GFRA2: variants seen among roughly 807,000 people sequenced by gnomAD.
GFRA2 encodes GDNF family receptor alpha-2.
In GFRA2, 17 loss-of-function variants were observed where a neutral mutation model predicts 48.3. The observed-to-expected ratio is 0.35, with a 90% confidence interval of 0.24 to 0.53. The LOEUF (loss-of-function observed/expected upper bound fraction) is 0.53, where lower values mean the gene tolerates loss of function less well. Among genes scored for constraint, GFRA2 ranks in the 20% least tolerant of loss-of-function variants. The pLI is 0.93. For missense variants in GFRA2, 660 were observed against 637.3 expected (o/e 1.04, Z -0.38); for synonymous variants, 305 against 257.2 (o/e 1.19, Z -1.78).
At chr8:21,757,431 C>A (rs2117624233) in intron 3 of GFRA2, among the ~76,000 whole-genome samples, 1 of 152,180 alleles carries the variant, frequency 6.6e-6, no homozygotes, top group Non-Finnish European at 1.5e-5. Flanking sequence ...TTTCAATTCC[C>A]TATCTCGTTT....
chr8:21,742,171 C>T (rs1421843056), intron 4 of GFRA2, among the ~76,000 whole-genome samples: 2 of 152,072 alleles, frequency 1.3e-5, no homozygotes, highest in South Asian at 2.1e-4. Flanking sequence ...GTTTGTGTCT[C>T]CCCAAAATTC....
At position 21,694,636 on chromosome 8, in the gene GFRA2, C is replaced by A. The variant is rs1179229760; in HGVS notation, c.1219-119G>T. The A allele has an allele frequency of 4.5e-6, 4 of 890,448 alleles. No homozygotes were observed. The Admixed American group carries it at 8.1e-5, about 18-fold the overall frequency. 55.2% of individuals were successfully genotyped at this position (890,448 alleles called of 1,614,324 possible). On this transcript the variant is annotated intron_variant, in intron 7 of 8. Transcript: ENST00000524240. Reference sequence around the variant, plus strand: ...TTGGCTCCGCTAAGCACAGCCAGCGCACACGGTGAAGAGGGTAGCTCAATT... The same window carrying A: ...TTGGCTCCGCTAAGCACAGCCAGCGAACACGGTGAAGAGGGTAGCTCAATT...
rs924085891 is a variant in GFRA2 at position 21,787,013 on chromosome 8, C to T, written c.40+1107G>A. ...ACACACTCACACACACACACACATACACAGTAGTTACCCGGCTCCCTCTAT... is the reference window on the plus strand; with the variant it reads ...ACACACTCACACACACACACACATATACAGTAGTTACCCGGCTCCCTCTAT... On this transcript the variant is annotated intron_variant, in intron 1 of 8. Transcript: ENST00000524240. 7.2e-5 allele frequency among the ~76,000 whole-genome samples: 11 copies of T among 152,182 alleles called. No individual in the cohort carries two copies. In the East Asian group the frequency reaches 1.9e-3, roughly 27 times the overall value.
chr8:21,765,379 G>A (rs375138821), intron 3 of GFRA2, among the ~76,000 whole-genome samples: 10 of 152,044 alleles, frequency 6.6e-5, no homozygotes, highest in Non-Finnish European at 8.8e-5. Flanking sequence ...CCAAAGTGCT[G>A]GGATTATAGG....
chr8:21,789,978 C>G, upstream of GFRA2: 1 of 729,082 alleles, frequency 1.4e-6, no homozygotes, highest in Non-Finnish European at 1.7e-6. Flanking sequence ...CCCGAGGCAG[C>G]TCCCGGCTCC....
chr8:21,714,246 CT>C (rs10674628), intron 4 of GFRA2, among the ~76,000 whole-genome samples: 56 of 78,398 alleles, frequency 7.1e-4, no homozygotes, highest in African/African-American at 1.5e-3. Flanking sequence ...GTCTGAAGTT[CT>C]TTTTTTTTTT....
chr8:21,789,785 TC>T (rs66720573), upstream of GFRA2, among the ~76,000 whole-genome samples: 151,480 of 151,484 alleles, frequency 1, 75,738 homozygotes, highest in Middle Eastern at 1. Context: ...CGGTCTCCCC[TC>T]CCCCCGGCTC....
intron 3 of GFRA2, among the ~76,000 whole-genome samples, chr8:21,759,708 G>A (rs1209596508): frequency 6.6e-6 from 1 of 151,902 alleles, no homozygotes; most frequent in Non-Finnish European, 1.5e-5. Flanking sequence ...GGCCAACAGA[G>A]TGAAACCCCA....
At chr8:21,715,246 C>A (rs1803273464) in intron 4 of GFRA2, among the ~76,000 whole-genome samples, 1 of 152,192 alleles carries the variant, frequency 6.6e-6, no homozygotes, top group African/African-American at 2.4e-5. Flanking sequence ...CCCAGAACAG[C>A]AGCTCCCCTG....
intron 3 of GFRA2, among the ~76,000 whole-genome samples, chr8:21,758,321 TC>T (rs1353564221): frequency 6.6e-6 from 1 of 151,976 alleles, no homozygotes; most frequent in Admixed American, 6.6e-5. Flanking sequence ...AACTGTTTCA[TC>T]CCCCTCTGCC....
chr8:21,705,547 A>C (rs988476299), intron 5 of GFRA2, among the ~76,000 whole-genome samples: 1 of 152,168 alleles, frequency 6.6e-6, no homozygotes, highest in African/African-American at 2.4e-5. Flanking sequence ...CTACAGCCTC[A>C]GTTTCCTCAT....
At chr8:21,721,004 A>G (rs1241933944) in intron 4 of GFRA2, among the ~76,000 whole-genome samples, 1 of 150,828 alleles carries the variant, frequency 6.6e-6, no homozygotes, top group East Asian at 2.0e-4. Context: ...AGAAAAAAAA[A>G]AATGGAGGGG....
intron 4 of GFRA2, among the ~76,000 whole-genome samples, chr8:21,717,482 C>T (rs1803390402): frequency 6.6e-6 from 1 of 152,172 alleles, no homozygotes; most frequent in Admixed American, 6.5e-5. Flanking sequence ...TCAAAAGATG[C>T]TAATAGAAGA....
At chr8:21,720,346 C>T (rs1392228324) in intron 4 of GFRA2, among the ~76,000 whole-genome samples, 1 of 152,186 alleles carries the variant, frequency 6.6e-6, no homozygotes, top group Non-Finnish European at 1.5e-5. Flanking sequence ...CCTAGGCCAA[C>T]TCACCTTTCT....
In GFRA2 at chr8:21,705,028, C is replaced by T. The variant is rs753350809; in HGVS notation, c.1002G>A (p.Glu334=). ...SCRGSGNMEE[E]CEKFLRDFTE... ...TGAAGTCCCTGAGGAACTTCTCACACTCCTCCTCCATGTTCCCGCTGCCAC... is the reference window on the plus strand; with the variant it reads ...TGAAGTCCCTGAGGAACTTCTCACATTCCTCCTCCATGTTCCCGCTGCCAC... Residue 334 remains glutamate, a synonymous_variant, in exon 6 of 9, where the codon GAG becomes GAA. Transcript: ENST00000524240. 2 of 1,610,668 alleles carry T rather than the reference C, an allele frequency of 1.2e-6. No individual in the cohort carries two copies. Among genetic ancestry groups the T allele is most frequent in the Admixed American group, 3.3e-5 (2 of 59,760 alleles).
At position 21,757,096 on chromosome 8, in the gene GFRA2, C is replaced by T. The variant is rs73219555; in HGVS notation, c.440-6154G>A. Among the ~76,000 whole-genome samples the T allele has an allele frequency of 8.7e-3, 1,327 of 152,344 alleles. 13 individuals carry two copies. The highest frequency in any genetic ancestry group is 0.015 in the Non-Finnish European group (1,013 of 68,032). ...CACTCTGGCTTCTTCATCTCCTCCC[C>T]TCCTACTCCCTGGGTGAGGGCCAGA... On this transcript the variant is annotated intron_variant, in intron 3 of 8. Coordinates refer to ENST00000524240, the MANE Select transcript of GFRA2 (RefSeq NM_001495.5).
chr8:21,782,647 C>A lies in GFRA2; in HGVS notation c.293G>T (p.Gly98Val), dbSNP rs976703779. The A allele has an allele frequency of 4.4e-6, 7 of 1,585,834 alleles. No homozygotes were observed. In the Admixed American group the frequency reaches 7.1e-5, roughly 16 times the overall value. The stretch of plus-strand genomic sequence containing the variant: ...CAGACACTGCAGCTCCTTCTTCATG[C>A]CCCGCTTGCAGCGGCAGTCGTACAG... Reference protein sequence around the residue: ...SPLYDCRCKRGMKKELQCLQI... With the variant: ...SPLYDCRCKRVMKKELQCLQI... The change falls in exon 2 of 9, where the codon GGC (glycine) becomes GTC (valine). Residue 98 changes from glycine to valine, a missense_variant. Gly to Val is a moderately radical substitution (Grantham distance 109, BLOSUM62 -3). Coordinates refer to ENST00000524240, the MANE Select transcript of GFRA2 (RefSeq NM_001495.5).
chr8:21,782,714 T>C lies in GFRA2; in HGVS notation c.226A>G (p.Lys76Glu). 6.3e-7 allele frequency: 1 copy of C among 1,596,868 alleles called. No individual in the cohort carries two copies. Among genetic ancestry groups the C allele is most frequent in the Non-Finnish European group, 8.5e-7 (1 of 1,172,248 alleles). Reference protein sequence around the residue: ...GRDRNTMLANKECQAALEVLQ... With the variant: ...GRDRNTMLANEECQAALEVLQ... ...ACCTCCAAGGCCGCCTGGCACTCCT[T>C]GTTGGCCAGCATGGTGTTGCGGTCG... is the stretch of plus-strand genomic sequence containing the variant. Residue 76 changes from lysine (K) to glutamate (E), a missense_variant, in exon 2 of 9, where the codon AAG becomes GAG. Physicochemically the swap from Lys to Glu is moderately conservative, Grantham distance 56. Coordinates refer to ENST00000524240, the MANE Select transcript of GFRA2 (RefSeq NM_001495.5).
intron 4 of GFRA2, among the ~76,000 whole-genome samples, chr8:21,739,910 T>C (rs1804666100): frequency 6.6e-6 from 1 of 152,222 alleles, no homozygotes. Context: ...AGCACAGTGA[T>C]GTGGAGAAGA....
Sources: allele counts gnomAD v4.1 joint callset (sites outside exome capture counted in the v4.1 genomes callset), GRCh38; gene constraint gnomAD v4.1.1; transcripts MANE v1.5; gene names NCBI Gene and HGNC (gene_info 2026-07-23, HGNC 2026-07-21).